The following OR51B5 variants were observed in gnomAD, a reference collection of about 807,000 sequenced individuals.
OR51B5 encodes the protein olfactory receptor 51B5.
For synonymous variants in OR51B5, 186 were observed against 144.8 expected (o/e 1.28, Z -2.04); for missense variants, 456 against 374.6 (o/e 1.22, Z -1.79).
rs1476581201 is a variant in OR51B5, at chr11:5,424,907, G to A, written n.85-77997C>T. Among the ~76,000 whole-genome samples the A allele has an allele frequency of 2.9e-5, 3 of 104,582 alleles. 1 individual carries two copies. The highest frequency in any genetic ancestry group is 2.1e-4 in the East Asian group (1 of 4,822). The allele number at this position is 104,582 out of a possible 152,430, so 68.6% of individuals were successfully genotyped here. A position where few individuals can be genotyped will look rare whatever the true frequency, so the allele number is the denominator to read the frequency against. On this transcript the variant is annotated intron_variant and non_coding_transcript_variant, in intron 1 of 4. Coordinates refer to the OR51B5 transcript ENST00000415970. Reference sequence around the variant, plus strand: ...TGAGGCAGGAGAATGGCGGGAACCCGGGAGGCGGAGCTTGCAGTGAGCCGA... The same window carrying A: ...TGAGGCAGGAGAATGGCGGGAACCCAGGAGGCGGAGCTTGCAGTGAGCCGA...
chr11:5,497,331 G>A (rs760664401), intron 1 of OR51B5, among the ~76,000 whole-genome samples: 4 of 152,208 alleles, frequency 2.6e-5, no homozygotes, highest in Non-Finnish European at 4.4e-5. Context: ...AGAATCGCTT[G>A]CACCTGGGAG....
At chr11:5,389,289 T>A (rs1849751535) in intron 1 of OR51B5, 1 of 1,045,482 alleles carries the variant, frequency 9.6e-7, no homozygotes, top group East Asian at 2.4e-5. Flanking sequence ...GAGTAGATAA[T>A]ACTAAAGGTG....
intron 1 of OR51B5, among the ~76,000 whole-genome samples, chr11:5,407,204 G>A (rs182929908): frequency 9.9e-4 from 150 of 152,224 alleles, no homozygotes; most frequent in Admixed American, 2.2e-3. Context: ...TAATTTTTGA[G>A]CTATATACTT....
At chr11:5,378,832 G>A (rs1849567936) in intron 1 of OR51B5, among the ~76,000 whole-genome samples, 1 of 149,938 alleles carries the variant, frequency 6.7e-6, no homozygotes. Context: ...GAGAGGATGT[G>A]GAGAAATAGG....
At chr11:5,422,267 GAGGCCTCCCACATCT>G (rs1564808219) in intron 1 of OR51B5, 5 of 1,614,102 alleles carry the variant, frequency 3.1e-6, no homozygotes, top group Non-Finnish European at 4.2e-6. Context: ...CCCTGGATTT[GAGGCCTCCCACATCT>G]GGATCTCCAT....
At chr11:5,480,502 A>T (rs1197291695) in intron 1 of OR51B5, among the ~76,000 whole-genome samples, 21 of 150,342 alleles carry the variant, frequency 1.4e-4, no homozygotes, top group African/African-American at 4.9e-4. Flanking sequence ...AGAAATAACT[A>T]AAATCAGAGC....
chr11:5,419,916 G>C (rs1186984320), intron 1 of OR51B5, among the ~76,000 whole-genome samples: 1 of 151,484 alleles, frequency 6.6e-6, no homozygotes, highest in African/African-American at 2.4e-5. Flanking sequence ...GATTACAATA[G>C]AATGTAAGCA....
chr11:5,494,236 A>G (rs987994268), intron 1 of OR51B5, among the ~76,000 whole-genome samples: 14 of 152,222 alleles, frequency 9.2e-5, no homozygotes, highest in Middle Eastern at 3.2e-3. Flanking sequence ...TCCAGGTAAC[A>G]ATTATTCAGA....
chr11:5,375,197 G>C (rs1487341800), intron 1 of OR51B5, among the ~76,000 whole-genome samples: 1 of 144,742 alleles, frequency 6.9e-6, no homozygotes, highest in African/African-American at 2.6e-5. Context: ...TTAAAGGAAA[G>C]AATTTTCAAC....
chr11:5,377,127 T>C (rs547605839), intron 1 of OR51B5, among the ~76,000 whole-genome samples: 1 of 152,212 alleles, frequency 6.6e-6, no homozygotes, highest in Non-Finnish European at 1.5e-5. Flanking sequence ...CAAGTGGACT[T>C]CATCCCTGGG....
At chr11:5,398,132 C>G (rs958868932) in intron 1 of OR51B5, among the ~76,000 whole-genome samples, 4 of 152,156 alleles carry the variant, frequency 2.6e-5, no homozygotes, top group African/African-American at 9.7e-5. Context: ...AGCACACCAA[C>G]ATGGCACATG....
At position 5,448,641 on chromosome 11, in the gene OR51B5, C is replaced by T. The variant is rs543271379; in HGVS notation, n.84+56928G>A. On this transcript the variant is annotated intron_variant and non_coding_transcript_variant, in intron 1 of 4. Coordinates refer to the OR51B5 transcript ENST00000415970. ...TTCTAAGAATAACCTATGAAAGTAA[C>T]TGTAAGAAAGAGTCAGCTTTATACA... Among the ~76,000 whole-genome samples, 5 of 152,254 alleles carry T rather than the reference C, an allele frequency of 3.3e-5. No individual in the cohort carries two copies. In the South Asian group the frequency reaches 1.0e-3, roughly 32 times the overall value.
At chr11:5,459,037 C>T (rs924327377) in intron 1 of OR51B5, among the ~76,000 whole-genome samples, 1 of 152,150 alleles carries the variant, frequency 6.6e-6, no homozygotes, top group Non-Finnish European at 1.5e-5. Flanking sequence ...TTTCAGTTCT[C>T]AAAAGGAATG....
chr11:5,396,042 T>G (rs78363222), intron 1 of OR51B5, among the ~76,000 whole-genome samples: 2 of 152,210 alleles, frequency 1.3e-5, no homozygotes, highest in Non-Finnish European at 2.9e-5. Flanking sequence ...ATTAATCAGA[T>G]ACTTTGCACA....
intron 1 of OR51B5, chr11:5,351,548 G>A (rs764044004): frequency 6.2e-7 from 1 of 1,613,666 alleles, no homozygotes; most frequent in South Asian, 1.1e-5. Context: ...CAGCTTACTG[G>A]CTTCCCAGGC....
At chr11:5,435,557 C>T (rs1341139688) in intron 1 of OR51B5, among the ~76,000 whole-genome samples, 1 of 46,078 alleles carries the variant, frequency 2.2e-5, no homozygotes, top group Non-Finnish European at 7.7e-5. Flanking sequence ...AAATACCTAA[C>T]AGATGCTTAA....
intron 1 of OR51B5, among the ~76,000 whole-genome samples, chr11:5,477,510 C>T (rs912726015): frequency 6.6e-6 from 1 of 152,094 alleles, no homozygotes; most frequent in African/African-American, 2.4e-5. Flanking sequence ...GGGGAGGAGC[C>T]AAGATGGCCA....
At chr11:5,352,457 C>T (rs745524593) in intron 1 of OR51B5, 8 of 1,526,426 alleles carry the variant, frequency 5.2e-6, no homozygotes, top group Non-Finnish European at 7.2e-6. Context: ...CATTGTTTCA[C>T]TGGTCTCTGA....
chr11:5,482,567 A>G (rs187338820), intron 1 of OR51B5, among the ~76,000 whole-genome samples: 193 of 117,468 alleles, frequency 1.6e-3, no homozygotes, highest in Middle Eastern at 4.7e-3. Context: ...GAGTGAACAG[A>G]CAACCTACAA....
Sources: allele counts gnomAD v4.1 joint callset (sites outside exome capture counted in the v4.1 genomes callset), GRCh38; gene constraint gnomAD v4.1.1; transcripts MANE v1.5; gene names NCBI Gene and HGNC (gene_info 2026-07-23, HGNC 2026-07-21).